Variants in CIT observed in about 807,000 individuals in gnomAD.
The protein encoded by CIT is citron rho-interacting serine/threonine kinase.
A neutral mutation model predicts 272.7 loss-of-function variants in CIT; 79 were observed. That is an observed-to-expected ratio of 0.29 (90% CI 0.24 to 0.35). The LOEUF (loss-of-function observed/expected upper bound fraction) is 0.35, where lower values mean the gene tolerates loss of function less well. CIT is among the 10% of genes least tolerant of loss of function. CIT has a pLI of 1.00. For synonymous variants in CIT, 948 were observed against 995.6 expected (o/e 0.95, Z 0.90); for missense variants, 1,909 against 2,618.3 (o/e 0.73, Z 5.91).
intron 17 of CIT, among the ~76,000 whole-genome samples, chr12:119,771,498 A>T (rs1963144147): frequency 1.3e-5 from 2 of 152,198 alleles, no homozygotes; most frequent in African/African-American, 4.8e-5. Flanking sequence ...GAATGGCTAC[A>T]GCACAGCACA....
At chr12:119,849,728 C>A (rs1970075291) in intron 5 of CIT, among the ~76,000 whole-genome samples, 1 of 150,236 alleles carries the variant, frequency 6.7e-6, no homozygotes, top group African/African-American at 2.4e-5. Flanking sequence ...CTCTGTCACC[C>A]AGGCTGGAGT....
rs1299939069 is a variant in CIT at position 119,694,177 on chromosome 12, GA to G, written c.5882+3481del. Among the ~76,000 whole-genome samples, 1 of 152,176 alleles carries G rather than the reference GA, an allele frequency of 6.6e-6. No homozygotes were observed. Among genetic ancestry groups the G allele is most frequent in the Admixed American group, 6.5e-5 (1 of 15,272 alleles). ...GCAAATGGGAGAAGCCTTCAGGGCA[GA>G]AAACTCCACACTGTCCATCAGATTT... is the stretch of plus-strand genomic sequence containing the variant. On this transcript the variant is annotated intron_variant, in intron 46 of 47. Coordinates refer to ENST00000392521, the MANE Select transcript of CIT (RefSeq NM_001206999.2). This position sits in a 1 kb window ranked among gnomAD's most constrained non-coding sequence, Gnocchi z 4.5.
In CIT at chr12:119,776,804, C is replaced by T. The variant is rs200141704; in HGVS notation, c.1704G>A (p.Met568Ile). 1 of 1,614,098 alleles carries T rather than the reference C, an allele frequency of 6.2e-7. No individual in the cohort carries two copies. Among genetic ancestry groups the T allele is most frequent in the East Asian group, 2.2e-5 (1 of 44,872 alleles). Residue 568 changes from methionine (M) to isoleucine (I), a missense_variant, in exon 14 of 48, where the codon ATG becomes ATA. Physicochemically the swap from Met to Ile is conservative, Grantham distance 10 (BLOSUM62 1). This residue lies in a region of CIT where 530 missense variants were observed against 822.4 expected (regional missense o/e 0.64). Coordinates refer to ENST00000392521, the MANE Select transcript of CIT (RefSeq NM_001206999.2). ...QAQVEEMRLM[M>I]NQLEEDLVSA... ...AGACAAGATCCTCTTCCAACTGATT[C>T]ATCATCAACCTCATTTCTTCCACTT...
intron 46 of CIT, among the ~76,000 whole-genome samples, chr12:119,695,024 C>T (rs528220513): frequency 6.6e-6 from 1 of 152,062 alleles, no homozygotes; most frequent in Non-Finnish European, 1.5e-5. Flanking sequence ...GTCAGGAGCA[C>T]GTGGGTATTT....
At position 119,697,885 on chromosome 12, in the gene CIT, A is replaced by G. The variant is rs1237182000; in HGVS notation, c.5703-47T>C. On this transcript the variant is annotated intron_variant, in intron 45 of 47. Transcript: ENST00000392521. This position sits in a 1 kb window ranked among gnomAD's most constrained non-coding sequence, Gnocchi z 4.9. ...GTTACCTTCATTGCAGGCTACCTCC[A>G]TTGCTAGGCAAGTTAGGAAGGAACA... 33 of 1,613,078 alleles carry G rather than the reference A, an allele frequency of 2.0e-5. No homozygotes were observed. Among genetic ancestry groups the G allele is most frequent in the Non-Finnish European group, 2.8e-5 (33 of 1,179,154 alleles).
intron 9 of CIT, among the ~76,000 whole-genome samples, chr12:119,818,566 G>A (rs1237862214): frequency 6.6e-6 from 1 of 152,176 alleles, no homozygotes; most frequent in Non-Finnish European, 1.5e-5. Flanking sequence ...ATCAGCATGG[G>A]ACCACCACTG....
chr12:119,861,552 A>G (rs553148741), intron 3 of CIT, among the ~76,000 whole-genome samples: 1 of 151,790 alleles, frequency 6.6e-6, no homozygotes, highest in African/African-American at 2.4e-5. Context: ...GCGCCATTGC[A>G]CTCCAACCTG....
chr12:119,707,524 G>GT (rs60206934), intron 40 of CIT, among the ~76,000 whole-genome samples: 14,602 of 149,680 alleles, frequency 0.098, 1,823 homozygotes, highest in African/African-American at 0.3. Context: ...ATTGCAATCT[G>GT]TTTTTTTTTT....
At chr12:119,696,891 G>A (rs894352148) in intron 46 of CIT, among the ~76,000 whole-genome samples, 3 of 152,164 alleles carry the variant, frequency 2.0e-5, no homozygotes, top group East Asian at 1.9e-4. Flanking sequence ...GTGTCTTGGC[G>A]ATTGCTCCAT....
chr12:119,876,708 T>C (rs764237875), intron 1 of CIT, among the ~76,000 whole-genome samples: 1 of 151,972 alleles, frequency 6.6e-6, no homozygotes, highest in Non-Finnish European at 1.5e-5. Context: ...CAGCAAGCCA[T>C]GTTGATATCT....
chr12:119,699,759 C>T (rs768080055), intron 44 of CIT: 57 of 455,644 alleles, frequency 1.3e-4, no homozygotes, highest in Non-Finnish European at 2.2e-4. Flanking sequence ...ACTGTCCAGT[C>T]AAGCCACGGA....
intron 9 of CIT, among the ~76,000 whole-genome samples, chr12:119,816,549 C>T (rs539152761): frequency 6.6e-6 from 1 of 152,268 alleles, no homozygotes; most frequent in South Asian, 2.1e-4. Context: ...GCACAGAAAT[C>T]CCCTGGGGAT....
chr12:119,782,219 A>G (rs181153890), intron 13 of CIT: 14 of 205,422 alleles, frequency 6.8e-5, no homozygotes, highest in Admixed American at 5.8e-4. Flanking sequence ...GTGTTGGACC[A>G]GCTTTGCCCC....
intron 12 of CIT, 139 bp from the exon 13 acceptor site, chr12:119,782,776 G>C: frequency 5.7e-6 from 6 of 1,052,076 alleles, no homozygotes; most frequent in Non-Finnish European, 8.1e-6. Context: ...ACTTCCAGTT[G>C]GTTGCCGACT....
chr12:119,848,758 G>A (rs1970000554), intron 5 of CIT, among the ~76,000 whole-genome samples: 1 of 152,204 alleles, frequency 6.6e-6, no homozygotes, highest in East Asian at 1.9e-4. Flanking sequence ...GGGCATGGTG[G>A]CTCACACCTG....
intron 10 of CIT, among the ~76,000 whole-genome samples, chr12:119,799,187 C>T (rs1040144326): frequency 6.6e-6 from 1 of 152,158 alleles, no homozygotes; most frequent in Non-Finnish European, 1.5e-5. Flanking sequence ...TTGCTGAGTC[C>T]TTTCCATATT....
chr12:119,862,326 A>T (rs1490519909), intron 3 of CIT, among the ~76,000 whole-genome samples: 1 of 152,082 alleles, frequency 6.6e-6, no homozygotes, highest in Non-Finnish European at 1.5e-5. Flanking sequence ...TTTCCATAAT[A>T]AATATTTTTA....
At chr12:119,873,254 ATT>A (rs1326919299) in intron 2 of CIT, among the ~76,000 whole-genome samples, 2 of 150,690 alleles carry the variant, frequency 1.3e-5, no homozygotes, top group Non-Finnish European at 1.5e-5. Flanking sequence ...TAAGTTGGAA[ATT>A]TTTTTCCTTT....
At chr12:119,693,769 T>C (rs1044482558) in intron 46 of CIT, among the ~76,000 whole-genome samples, 4 of 152,216 alleles carry the variant, frequency 2.6e-5, no homozygotes, top group African/African-American at 7.2e-5. Context: ...TTCAGATTAA[T>C]TAACTCCTAT....
Sources: allele counts gnomAD v4.1 joint callset (sites outside exome capture counted in the v4.1 genomes callset), GRCh38; gene constraint gnomAD v4.1.1; regional missense constraint gnomAD v4.1.1; non-coding constraint Gnocchi (gnomAD v3.1); transcripts MANE v1.5; gene names NCBI Gene and HGNC (gene_info 2026-07-23, HGNC 2026-07-21).